The following CD36 variants were observed in gnomAD, a reference collection of about 807,000 sequenced individuals.
CD36 encodes CD36 molecule (CD36 blood group), also known as platelet glycoprotein 4.
CD36 carries 119 observed loss-of-function variants against 55.2 expected under a neutral mutation model. That is an observed-to-expected ratio of 2.15 (90% confidence interval 1.86 to 2.51). The LOEUF (loss-of-function observed/expected upper bound fraction) is 2.51. CD36 is among the 30% of genes most tolerant of loss of function. The pLI, the probability that CD36 is intolerant of heterozygous loss-of-function variation, is 0.00. For missense variants in CD36, 819 were observed against 555.5 expected, an observed-to-expected ratio of 1.47 and a Z score of -4.77; for synonymous variants, 186 against 193.6, an observed-to-expected ratio of 0.96 and a Z score of 0.33.
intron 13 of CD36, 61 bp downstream of exon 13, chr7:80,673,470 G>A: frequency 6.4e-6 from 6 of 944,270 alleles, no homozygotes; most frequent in Non-Finnish European, 8.8e-6. Flanking sequence ...ACAAGCTCTT[G>A]ATGTTTCAAA....
intron 5 of CD36, among the ~76,000 whole-genome samples, chr7:80,661,959 T>C (rs565559400): frequency 1.3e-5 from 2 of 152,284 alleles, no homozygotes; most frequent in East Asian, 3.9e-4. Context: ...TAAAGGGCAT[T>C]TGGTGCTCAC....
At position 80,679,270 on chromosome 7, in the gene CD36, A is replaced by G. The variant is rs1369548647; in HGVS notation, c.*2887A>G. 6.6e-6 allele frequency: 1 copy of G among 152,204 alleles called. No homozygotes were observed. Among genetic ancestry groups the G allele is most frequent in the Non-Finnish European group, 1.5e-5 (1 of 68,032 alleles). The allele number at this position is 152,204 out of a possible 1,614,324, so 9.4% of individuals were successfully genotyped here. A position where few individuals can be genotyped will look rare whatever the true frequency, so the allele number is the denominator to read the frequency against. ...TGAAAATAAAAACTTTTGTTATTAG[A>G]AAAATGATTTTGCTTATTTTTATTT... On this transcript the variant is annotated 3_prime_UTR_variant, in exon 15 of 15. Transcript: ENST00000447544.
rs1179420535 is a variant in CD36, at chr7:80,670,725, TATTGGATAAATTG to T, written c.819-251_819-239del. ...AAGGAAGTCCTATAAATATTTACTC[TATTGGATAAATTG>T]CCTGTGAGAAGTAACTTGAGTATAA... is the stretch of plus-strand genomic sequence containing the variant. On this transcript the variant is annotated intron_variant, in intron 9 of 14. Transcript: ENST00000447544. 13 of 494,922 alleles carry T rather than the reference TATTGGATAAATTG, an allele frequency of 2.6e-5. No individual in the cohort carries two copies. In the East Asian group the frequency reaches 4.8e-4, roughly 18 times the overall value. 30.7% of individuals were successfully genotyped at this position (494,922 alleles called of 1,614,324 possible). A position where few individuals can be genotyped will look rare whatever the true frequency, so the allele number is the denominator to read the frequency against.
chr7:80,642,779 C>G (rs748326014), intron 1 of CD36, among the ~76,000 whole-genome samples: 14 of 152,034 alleles, frequency 9.2e-5, no homozygotes, highest in Non-Finnish European at 1.8e-4. Flanking sequence ...TTGTCTAGCT[C>G]TTTTTTCAAA....
intron 3 of CD36, among the ~76,000 whole-genome samples, chr7:80,654,479 G>A (rs549199972): frequency 5.5e-4 from 83 of 152,240 alleles, no homozygotes; most frequent in South Asian, 1.0e-3. Context: ...CCCTTGTTAA[G>A]TCTCTTGAAA....
intron 1 of CD36, among the ~76,000 whole-genome samples, chr7:80,622,551 A>T (rs190906907): frequency 4.6e-5 from 7 of 152,386 alleles, no homozygotes; most frequent in Non-Finnish European, 8.8e-5. Flanking sequence ...TTACATTTTT[A>T]AAAATAATCA....
At chr7:80,646,931 T>G in intron 3 of CD36, 71 bp downstream of exon 3, 1 of 1,540,166 alleles carries the variant, frequency 6.5e-7, no homozygotes, top group East Asian at 2.3e-5. Context: ...GCTTTGTATT[T>G]ACCTGCTTTA....
At chr7:80,636,315 C>T (rs1205664206), upstream of CD36, among the ~76,000 whole-genome samples, 2 of 151,976 alleles carry the variant, frequency 1.3e-5, no homozygotes, top group East Asian at 3.9e-4. Context: ...TTTCTCTATT[C>T]TTTGATTATG....
chr7:80,670,975 A>G lies in CD36; in HGVS notation c.819-2A>G. ...ATGCAGCTCTTTTTTCTCTGTATTT[A>G]GGTCAATCTATGCTGTATTTGAATC... On this transcript the variant is annotated splice_acceptor_variant, in intron 9 of 14. Coordinates refer to ENST00000447544, the MANE Select transcript of CD36 (RefSeq NM_001001548.3). LOFTEE classifies it high-confidence loss of function. 3.7e-6 allele frequency: 6 copies of G among 1,606,816 alleles called. No homozygotes were observed. Among genetic ancestry groups the G allele is most frequent in the Non-Finnish European group, 5.1e-6 (6 of 1,173,578 alleles).
At chr7:80,629,951 T>C (rs920759054) in intron 1 of CD36, among the ~76,000 whole-genome samples, 3 of 151,768 alleles carry the variant, frequency 2.0e-5, no homozygotes, top group African/African-American at 7.3e-5. Context: ...TTAATTTGCA[T>C]CAAAAGACTT....
intron 5 of CD36, among the ~76,000 whole-genome samples, chr7:80,661,639 G>A (rs1403240827): frequency 6.6e-6 from 1 of 152,134 alleles, no homozygotes; most frequent in African/African-American, 2.4e-5. Flanking sequence ...TTTCCAGACA[G>A]TGTACCAGTA....
At chr7:80,636,277 A>G (rs1249293834), upstream of CD36, among the ~76,000 whole-genome samples, 1 of 148,228 alleles carries the variant, frequency 6.7e-6, no homozygotes, top group Non-Finnish European at 1.5e-5. Context: ...CTCATCTCTT[A>G]GCTCTTATTA....
At chr7:80,640,105 A>G (rs539944292) in intron 1 of CD36, among the ~76,000 whole-genome samples, 20 of 152,028 alleles carry the variant, frequency 1.3e-4, no homozygotes, top group Non-Finnish European at 2.6e-4. Flanking sequence ...TGTAACTATC[A>G]GATACTTAAT....
intron 4 of CD36, among the ~76,000 whole-genome samples, chr7:80,659,228 C>G (rs1438256711): frequency 6.6e-6 from 1 of 152,138 alleles, no homozygotes; most frequent in African/African-American, 2.4e-5. Context: ...TAATTATACC[C>G]TAAATCCATC....
In CD36 at chr7:80,671,101, G is replaced by T. The variant is rs1175585168; in HGVS notation, c.943G>T (p.Glu315Ter). ...ENPDNYCFCT[E>*]KIISKNCTSY... ...CCCAGACAACTATTGTTTCTGCACA[G>T]AAAAAATTATCTCAAAAAATTGTAC... The change falls in exon 10 of 15, where the codon GAA becomes TAA. Residue 315 changes from glutamate (E) to a stop codon, truncating the protein, a stop_gained. Coordinates refer to ENST00000447544, the MANE Select transcript of CD36 (RefSeq NM_001001548.3). LOFTEE classifies it high-confidence loss of function. 2 of 1,613,234 alleles carry T rather than the reference G, an allele frequency of 1.2e-6. No individual in the cohort carries two copies. Among genetic ancestry groups the T allele is most frequent in the Non-Finnish European group, 1.7e-6 (2 of 1,179,598 alleles).
At chr7:80,605,829 T>C (rs1041924449) in intron 1 of CD36, among the ~76,000 whole-genome samples, 3 of 152,202 alleles carry the variant, frequency 2.0e-5, no homozygotes, top group Non-Finnish European at 4.4e-5. Context: ...GTTTGGGCAA[T>C]AGGTACATCT....
intron 1 of CD36, among the ~76,000 whole-genome samples, chr7:80,624,638 T>C (rs1462781891): frequency 6.6e-6 from 1 of 151,942 alleles, no homozygotes; most frequent in Non-Finnish European, 1.5e-5. Flanking sequence ...CTGCCAGACA[T>C]GGTCATCCCA....
intron 1 of CD36, chr7:80,633,067 G>A (rs1794176418): frequency 1.3e-5 from 2 of 151,940 alleles, no homozygotes; most frequent in African/African-American, 2.4e-5. Context: ...TTGCCTAAAT[G>A]TTTCTGTTTT....
At chr7:80,656,465 A>G (rs906331690) in intron 3 of CD36, 75 bp from the exon 4 acceptor site, 13 of 1,385,214 alleles carry the variant, frequency 9.4e-6, no homozygotes, top group South Asian at 7.2e-5. Flanking sequence ...GGCTGACTCA[A>G]GGCTGCAAAC....
Sources: gnomAD v4.1 joint callset for allele counts (sites outside exome capture counted in the v4.1 genomes callset) on GRCh38, gnomAD v4.1.1 for gene constraint, MANE v1.5 for transcripts, NCBI Gene and HGNC (gene_info 2026-07-23, HGNC 2026-07-21) for gene names.